MEF2C: variants seen among roughly 807,000 people sequenced by gnomAD.
MEF2C encodes myocyte enhancer factor 2C.
In MEF2C, 6 loss-of-function variants were observed where a neutral mutation model predicts 50.5. The ratio of observed to expected loss-of-function variants is 0.12; its 90% CI spans 0.07 to 0.23. The LOEUF is 0.23. Among genes scored for constraint, MEF2C ranks in the 10% least tolerant of loss-of-function variants. The pLI is 1.00. For missense variants in MEF2C, 276 were observed against 605.0 expected (o/e 0.46, Z 5.70); for synonymous variants, 183 against 228.0 (o/e 0.80, Z 1.78).
intron 5 of MEF2C, chr5:88,750,154 G>T: frequency 1.1e-6 from 1 of 872,922 alleles, no homozygotes; most frequent in Non-Finnish European, 1.4e-6. Context: ...AGTTGGTTCA[G>T]GTTTTGGAAT....
At chr5:88,794,307 T>C (rs1213446726) in intron 3 of MEF2C, among the ~76,000 whole-genome samples, 1 of 152,208 alleles carries the variant, frequency 6.6e-6, no homozygotes, top group African/African-American at 2.4e-5. Context: ...CCAGCATCTG[T>C]TGTTTCCTGA....
At chr5:88,796,689 T>C (rs1311983493) in intron 3 of MEF2C, among the ~76,000 whole-genome samples, 1 of 152,166 alleles carries the variant, frequency 6.6e-6, no homozygotes, top group Non-Finnish European at 1.5e-5. Context: ...TTCTTGCTTC[T>C]CTAGTTCTTT....
chr5:88,870,112 T>C (rs1483711349), intron 1 of MEF2C, among the ~76,000 whole-genome samples: 7 of 151,966 alleles, frequency 4.6e-5, no homozygotes, highest in African/African-American at 1.7e-4. Flanking sequence ...AATTTCATAA[T>C]TGGAAATTTA....
chr5:88,796,818 A>G (rs191265306), intron 3 of MEF2C, among the ~76,000 whole-genome samples: 1 of 152,238 alleles, frequency 6.6e-6, no homozygotes, highest in East Asian at 1.9e-4. Flanking sequence ...ATTCTGGTAC[A>G]CTATGTCTTT....
rs371238107 is a variant in MEF2C at position 88,823,830 on chromosome 5, A to G, written c.-42T>C. The stretch of plus-strand genomic sequence containing the variant: ...CTCTCTCTCGTCCCTGAAATTATGT[A>G]TTTTTTCCTTCCTTTTCTTTCTCTT... On this transcript the variant is annotated 5_prime_UTR_variant, in exon 2 of 11. Transcript: ENST00000504921. 218 of 1,601,714 alleles carry G rather than the reference A, an allele frequency of 1.4e-4. No homozygotes were observed. Among genetic ancestry groups the G allele is most frequent in the Non-Finnish European group, 1.8e-4 (208 of 1,173,828 alleles).
At chr5:88,872,604 T>C (rs1234385763) in intron 1 of MEF2C, among the ~76,000 whole-genome samples, 1 of 152,032 alleles carries the variant, frequency 6.6e-6, no homozygotes, top group Non-Finnish European at 1.5e-5. Context: ...TTAAAATGAC[T>C]AAAATATAGT....
chr5:88,750,207 ATT>A (rs747771242), intron 5 of MEF2C: 1,771 of 380,470 alleles, frequency 4.7e-3, no homozygotes, highest in Non-Finnish European at 5.8e-3. Context: ...TATATACACG[ATT>A]TTTTTTTTTT....
At chr5:88,824,860 A>T (rs941736108) in intron 1 of MEF2C, 5 of 151,974 alleles carry the variant, frequency 3.3e-5, no homozygotes, top group African/African-American at 1.2e-4. Context: ...CAAGAAACCC[A>T]GAATATTAAA....
intron 4 of MEF2C, among the ~76,000 whole-genome samples, chr5:88,757,791 C>A (rs1318692181): frequency 6.6e-6 from 1 of 152,142 alleles, no homozygotes. Context: ...TGGCAGGCAC[C>A]TGTAGTCCCA....
rs560230794 is a variant in MEF2C, at chr5:88,740,702, A to T, written c.637+8368T>A. On this transcript the variant is annotated intron_variant, in intron 6 of 10. Transcript: ENST00000504921. ...CAAAAAAAAAAAAAACCCAAATATC[A>T]TTCTCCTTTGGGTACTGATTTACTG... 6.1e-6 allele frequency: 6 copies of T among 985,050 alleles called. No homozygotes were observed. In the African/African-American group the frequency reaches 7.0e-5, roughly 11 times the overall value. 61.0% of individuals were successfully genotyped at this position (985,050 alleles called of 1,614,324 possible). A position where few individuals can be genotyped will look rare whatever the true frequency, so the allele number is the denominator to read the frequency against.
chr5:88,811,857 A>C (rs1296033399), intron 2 of MEF2C, among the ~76,000 whole-genome samples: 1 of 152,142 alleles, frequency 6.6e-6, no homozygotes, highest in African/African-American at 2.4e-5. Flanking sequence ...TGTAGAAAGA[A>C]AAACATAAAA....
chr5:88,826,949 T>A (rs1811141875), intron 1 of MEF2C: 1 of 151,016 alleles, frequency 6.6e-6, no homozygotes, highest in South Asian at 2.1e-4. Flanking sequence ...ATAGTTACAC[T>A]CTATAGAATT....
rs140529772 is a variant in MEF2C, at chr5:88,879,634, T to C, written c.-143+3321A>G. ...TGTCTAATGCATTTAAGCCTTACAA[T>C]ACCTGCTTCATGTAAGCAGACAATT... is the stretch of plus-strand genomic sequence containing the variant. On this transcript the variant is annotated intron_variant, in intron 1 of 10. Transcript: ENST00000504921. Among the ~76,000 whole-genome samples, 79 of 152,202 alleles carry C rather than the reference T, an allele frequency of 5.2e-4. No homozygotes were observed. In the East Asian group the frequency reaches 0.015, roughly 29 times the overall value.
chr5:88,880,718 AAAG>A, intron 1 of MEF2C: 1 of 152,158 alleles, frequency 6.6e-6, no homozygotes, highest in Non-Finnish European at 1.5e-5. Flanking sequence ...ACATGTTTAC[AAAG>A]AAGAAAAGAG....
intron 1 of MEF2C, among the ~76,000 whole-genome samples, chr5:88,889,765 C>G (rs1834334916): frequency 6.6e-6 from 1 of 152,076 alleles, no homozygotes; most frequent in Non-Finnish European, 1.5e-5. Context: ...CGGGCGGTGG[C>G]AGTGCCGGGG....
chr5:88,892,656 TC>T (rs1834718077), intron 1 of MEF2C, among the ~76,000 whole-genome samples: 1 of 152,204 alleles, frequency 6.6e-6, no homozygotes, highest in Admixed American at 6.5e-5. Flanking sequence ...ACATCATGCC[TC>T]TAGGATATTT....
chr5:88,756,928 G>A (rs969579062), intron 4 of MEF2C, among the ~76,000 whole-genome samples: 1 of 151,808 alleles, frequency 6.6e-6, no homozygotes, highest in African/African-American at 2.4e-5. Context: ...TAAATGAAAT[G>A]CTGTCAGCAG....
intron 6 of MEF2C, chr5:88,746,494 G>C: frequency 1.0e-6 from 1 of 982,504 alleles, no homozygotes; most frequent in Middle Eastern, 5.2e-4. Context: ...AAAAACTGCA[G>C]CTGCTAAAAA....
chr5:88,847,318 T>A (rs563422549), intron 1 of MEF2C, among the ~76,000 whole-genome samples: 1 of 152,220 alleles, frequency 6.6e-6, no homozygotes. Flanking sequence ...TAGTATGTTA[T>A]AATAAGACTT....
Sources: gnomAD v4.1 joint callset for allele counts (sites outside exome capture counted in the v4.1 genomes callset) on GRCh38, gnomAD v4.1.1 for gene constraint, MANE v1.5 for transcripts, NCBI Gene and HGNC (gene_info 2026-07-23, HGNC 2026-07-21) for gene names.